AFG1L: variants seen among roughly 807,000 people sequenced by gnomAD.
The protein encoded by AFG1L is AFG1 like ATPase.
A neutral mutation model predicts 62.2 loss-of-function variants in AFG1L; 53 were observed. The observed-to-expected ratio is 0.85, with a 90% CI of 0.68 to 1.07. AFG1L has a LOEUF of 1.07. AFG1L is among the 50% of genes least tolerant of loss of function. The probability of loss-of-function intolerance (pLI) is 0.00; values close to 1 mark genes in which losing one functional copy is unlikely to be tolerated. For missense variants in AFG1L, 555 were observed against 590.5 expected (o/e 0.94, Z 0.62); for synonymous variants, 228 against 210.3 (o/e 1.08, Z -0.73).
chr6:108,482,283 A>G (rs1307262578), intron 10 of AFG1L, among the ~76,000 whole-genome samples: 1 of 152,208 alleles, frequency 6.6e-6, no homozygotes, highest in African/African-American at 2.4e-5. Flanking sequence ...CAGAATTCAA[A>G]AAGTATACTG....
At chr6:108,365,817 C>T (rs768069044) in intron 5 of AFG1L, among the ~76,000 whole-genome samples, 2 of 152,002 alleles carry the variant, frequency 1.3e-5, no homozygotes, top group Non-Finnish European at 2.9e-5. Context: ...TATTAGAAAT[C>T]TCAAACAGCC....
At position 108,372,384 on chromosome 6, in the gene AFG1L, C is replaced by A. The variant is rs1311965023; in HGVS notation, c.748+6052C>A. Among the ~76,000 whole-genome samples the A allele has an allele frequency of 4.1e-5, 6 of 148,130 alleles. No homozygotes were observed. In the East Asian group the frequency reaches 1.2e-3, roughly 30 times the overall value. ...TTGCTCTGCCATCCAGGCTGGAGTG[C>A]AGTGGTGTAGTCTTGGCTCACTGCA... On this transcript the variant is annotated intron_variant, in intron 6 of 12. Transcript: ENST00000368977.
intron 8 of AFG1L, among the ~76,000 whole-genome samples, chr6:108,454,681 C>T (rs1772183700): frequency 6.6e-6 from 1 of 152,180 alleles, no homozygotes; most frequent in Non-Finnish European, 1.5e-5. Flanking sequence ...GAGACAGAAT[C>T]TCACTCTGTT....
chr6:108,427,338 C>T (rs928894666), intron 7 of AFG1L, among the ~76,000 whole-genome samples: 4 of 152,168 alleles, frequency 2.6e-5, no homozygotes, highest in Admixed American at 1.3e-4. Context: ...ATTCTCTTAC[C>T]TGCCACTCTC....
chr6:108,325,438 CT>C (rs60856309), intron 2 of AFG1L, among the ~76,000 whole-genome samples: 38,069 of 143,894 alleles, frequency 0.26, 6,750 homozygotes, highest in African/African-American at 0.5. Context: ...GCTGTTTTGC[CT>C]TTTTTTTTTT....
At chr6:108,461,494 A>G (rs1427541698) in intron 8 of AFG1L, among the ~76,000 whole-genome samples, 2 of 152,154 alleles carry the variant, frequency 1.3e-5, no homozygotes, top group Admixed American at 6.5e-5. Context: ...CTGGCTCAGT[A>G]GTAGCCCAGG....
chr6:108,441,037 T>C (rs1041206556), intron 7 of AFG1L, among the ~76,000 whole-genome samples: 1 of 152,226 alleles, frequency 6.6e-6, no homozygotes, highest in East Asian at 1.9e-4. Flanking sequence ...ATTTCTATGA[T>C]AAGTGAAATT....
At chr6:108,372,140 A>G (rs1780037550) in intron 6 of AFG1L, among the ~76,000 whole-genome samples, 1 of 151,910 alleles carries the variant, frequency 6.6e-6, no homozygotes, top group African/African-American at 2.4e-5. Context: ...TATATAAATT[A>G]TGTAAATTCA....
chr6:108,402,468 A>T (rs914819086), intron 7 of AFG1L, among the ~76,000 whole-genome samples: 1 of 20,346 alleles, frequency 4.9e-5, no homozygotes, highest in African/African-American at 1.8e-3. Context: ...CGTCTCGAAT[A>T]AAAAAAAAAA....
At chr6:108,412,686 A>C (rs1014839552) in intron 7 of AFG1L, among the ~76,000 whole-genome samples, 31 of 152,326 alleles carry the variant, frequency 2.0e-4, no homozygotes, top group African/African-American at 7.2e-4. Flanking sequence ...GTGAAGGAGA[A>C]ATAAAATCCT....
intron 1 of AFG1L, among the ~76,000 whole-genome samples, chr6:108,306,717 C>G (rs773504338): frequency 6.6e-6 from 1 of 152,170 alleles, no homozygotes; most frequent in African/African-American, 2.4e-5. Context: ...TGCTGTCGGT[C>G]AAGTCTCACA....
intron 6 of AFG1L, among the ~76,000 whole-genome samples, chr6:108,400,677 T>C (rs1041398894): frequency 2.4e-4 from 24 of 102,090 alleles, no homozygotes; most frequent in African/African-American, 9.0e-4. Flanking sequence ...TTATATATTA[T>C]ATATTATATA....
At chr6:108,402,303 A>C (rs1223094812) in intron 7 of AFG1L, among the ~76,000 whole-genome samples, 4 of 152,008 alleles carry the variant, frequency 2.6e-5, no homozygotes, top group African/African-American at 9.7e-5. Context: ...TCTCTATTAA[A>C]GATACAAAAA....
At chr6:108,472,022 G>A (rs757857490) in intron 8 of AFG1L, among the ~76,000 whole-genome samples, 2 of 152,152 alleles carry the variant, frequency 1.3e-5, no homozygotes, top group Non-Finnish European at 2.9e-5. Flanking sequence ...TAAAAAAGGA[G>A]ATCCTGCAAT....
chr6:108,398,322 G>C (rs1267806351), intron 6 of AFG1L, among the ~76,000 whole-genome samples: 2 of 152,094 alleles, frequency 1.3e-5, no homozygotes, highest in African/African-American at 4.8e-5. Context: ...TCCCTATAGA[G>C]TTATTTGAGC....
intron 8 of AFG1L, among the ~76,000 whole-genome samples, chr6:108,457,725 T>C (rs1772307514): frequency 6.6e-6 from 1 of 152,126 alleles, no homozygotes; most frequent in African/African-American, 2.4e-5. Flanking sequence ...TTTCCCCCGA[T>C]ATAATTTCTC....
intron 8 of AFG1L, among the ~76,000 whole-genome samples, chr6:108,448,887 T>G (rs1270900130): frequency 6.6e-6 from 1 of 152,142 alleles, no homozygotes; most frequent in African/African-American, 2.4e-5. Context: ...CAATGGCTCA[T>G]GCCTATAATC....
chr6:108,329,450 C>A (rs182567310), intron 2 of AFG1L, among the ~76,000 whole-genome samples: 74 of 152,046 alleles, frequency 4.9e-4, no homozygotes, highest in African/African-American at 1.7e-3. Flanking sequence ...AGGCGCCCAC[C>A]ACCACGCCTG....
At chr6:108,423,381 T>C (rs1770683357) in intron 7 of AFG1L, among the ~76,000 whole-genome samples, 1 of 152,098 alleles carries the variant, frequency 6.6e-6, no homozygotes, top group Admixed American at 6.6e-5. Context: ...GTAGGATTCA[T>C]TGACATTATT....
Sources: gnomAD v4.1 joint callset for allele counts (sites outside exome capture counted in the v4.1 genomes callset) on GRCh38, gnomAD v4.1.1 for gene constraint, MANE v1.5 for transcripts, NCBI Gene and HGNC (gene_info 2026-07-23, HGNC 2026-07-21) for gene names.